MAP4: variants seen among roughly 807,000 people sequenced by gnomAD.
The protein encoded by MAP4 is microtubule-associated protein 4.
MAP4 carries 76 observed loss-of-function variants against 170.2 expected under a neutral mutation model. That is an observed-to-expected ratio of 0.45 (90% CI 0.37 to 0.54). The LOEUF (loss-of-function observed/expected upper bound fraction) is 0.54. Ranked by LOEUF, MAP4 falls within the 20% of genes least tolerant of loss-of-function variation. The pLI is 0.00. For missense variants in MAP4, 2,506 were observed against 2,748.0 expected, an observed-to-expected ratio of 0.91 and a Z score of 1.97; for synonymous variants, 909 against 994.5, an observed-to-expected ratio of 0.91 and a Z score of 1.62.
intron 16 of MAP4, 57 bp from the exon 17 acceptor site, chr3:47,867,395 AC>A: frequency 8.4e-7 from 1 of 1,195,038 alleles, no homozygotes; most frequent in Non-Finnish European, 1.2e-6. Flanking sequence ...GTTAGAACCG[AC>A]ACAGGGAAGG....
At chr3:47,889,131 G>T (rs770417423) in intron 10 of MAP4, among the ~76,000 whole-genome samples, 1 of 152,228 alleles carries the variant, frequency 6.6e-6, no homozygotes, top group Non-Finnish European at 1.5e-5. Context: ...AGGAAATACA[G>T]ATTTTTAAAG....
At chr3:47,917,933 C>G (rs1254422624) in intron 6 of MAP4, among the ~76,000 whole-genome samples, 1 of 152,084 alleles carries the variant, frequency 6.6e-6, no homozygotes, top group Non-Finnish European at 1.5e-5. Context: ...CGGGTTCAAG[C>G]AATTCTCCTG....
rs1324219031 is a variant in MAP4, at chr3:47,952,052, G to A, written c.293-23702C>T. Among the ~76,000 whole-genome samples the A allele has an allele frequency of 3.3e-5, 5 of 151,244 alleles. No homozygotes were observed. The East Asian group carries it at 5.8e-4, about 18-fold the overall frequency. On this transcript the variant is annotated intron_variant, in intron 3 of 20. Transcript: ENST00000683076. ...CTCTGCCCGGCCGCGACCCCGTCTG[G>A]GAGGTGAGGAGCGTCTCTGCCCGGC...
In MAP4 at chr3:47,853,286, A is replaced by G. The variant is rs1324303311; in HGVS notation, c.6763T>C (p.Ser2255Pro). The G allele has an allele frequency of 6.2e-7, 1 of 1,610,530 alleles. No homozygotes were observed. Among genetic ancestry groups the G allele is most frequent in the Non-Finnish European group, 8.5e-7 (1 of 1,178,890 alleles). The change falls in exon 20 of 21, where the codon TCT (serine) becomes CCT (proline). Residue 2255 changes from serine (S) to proline (P), a missense_variant. Ser to Pro is a moderately conservative substitution (Grantham distance 74). This residue lies in a region of MAP4 where 487 missense variants were observed against 511.6 expected (regional missense o/e 0.95). Coordinates refer to ENST00000683076, the MANE Select transcript of MAP4 (RefSeq NM_001385682.1). ...GPPAGEEPAISEAAPEAGAPT... is the reference protein window; with the variant it reads ...GPPAGEEPAIPEAAPEAGAPT... ...GCGCCAGCTTCAGGCGCTGCCTCAG[A>G]GATGGCCGGCTCCTCCCCAGCAGGG... is the stretch of plus-strand genomic sequence containing the variant.
intron 3 of MAP4, among the ~76,000 whole-genome samples, chr3:47,953,349 C>G (rs2100065706): frequency 1.3e-5 from 2 of 151,864 alleles, no homozygotes; most frequent in Non-Finnish European, 2.9e-5. Flanking sequence ...ACACAGAGAC[C>G]CCATCTCCAC....
chr3:47,941,786 CAAA>C (rs35079131), intron 3 of MAP4, among the ~76,000 whole-genome samples: 1 of 61,538 alleles, frequency 1.6e-5, no homozygotes. Flanking sequence ...GACTCCGTCT[CAAA>C]AAAAAAAAAA....
intron 1 of MAP4, among the ~76,000 whole-genome samples, chr3:48,040,158 GAAATA>G (rs2100120883): frequency 6.6e-6 from 1 of 152,180 alleles, no homozygotes; most frequent in Non-Finnish European, 1.5e-5. Context: ...AGCCATTGAT[GAAATA>G]AAGCCTTCAT....
intron 1 of MAP4, among the ~76,000 whole-genome samples, chr3:48,033,380 C>G (rs2100117163): frequency 6.6e-6 from 1 of 152,156 alleles, no homozygotes; most frequent in South Asian, 2.1e-4. Flanking sequence ...TCGCACTATG[C>G]TTCTACAGTT....
intron 1 of MAP4, among the ~76,000 whole-genome samples, chr3:48,039,694 C>G (rs2100120646): frequency 6.6e-6 from 1 of 152,188 alleles, no homozygotes; most frequent in African/African-American, 2.4e-5. Context: ...CCAAATGGTT[C>G]TGATGCAGAT....
intron 10 of MAP4, among the ~76,000 whole-genome samples, chr3:47,897,950 G>GGGGAA (rs1491497294): frequency 1.5e-5 from 2 of 134,540 alleles, no homozygotes; most frequent in African/African-American, 5.8e-5. Flanking sequence ...TCGGGGGGGG[G>GGGGAA]AAAAAAAAAA....
intron 3 of MAP4, among the ~76,000 whole-genome samples, chr3:47,941,614 A>G (rs987600477): frequency 6.7e-6 from 1 of 150,124 alleles, no homozygotes; most frequent in South Asian, 2.1e-4. Flanking sequence ...AGTCTCTACT[A>G]AAAAAACAAA....
At chr3:48,033,090 T>C (rs1037193403) in intron 1 of MAP4, among the ~76,000 whole-genome samples, 5 of 152,238 alleles carry the variant, frequency 3.3e-5, no homozygotes, top group Admixed American at 3.3e-4. Context: ...CCAAGGAGAT[T>C]AACAAATATA....
chr3:47,888,448 G>A lies in MAP4; in HGVS notation c.5435-10925C>T, dbSNP rs557156602. ...AGCCCAGTGAGACCACAAACCCACCGGGAGGAACGAACAACTCCAGACGCG... is the reference window on the plus strand; with the variant it reads ...AGCCCAGTGAGACCACAAACCCACCAGGAGGAACGAACAACTCCAGACGCG... On this transcript the variant is annotated intron_variant, in intron 10 of 20. Transcript: ENST00000683076. Among the ~76,000 whole-genome samples the A allele has an allele frequency of 3.0e-3, 453 of 151,990 alleles. 1 individual carries two copies. The highest frequency in any genetic ancestry group is 3.7e-3 in the Non-Finnish European group (252 of 68,000).
At chr3:48,055,214 C>T (rs1287700774) in intron 1 of MAP4, among the ~76,000 whole-genome samples, 2 of 149,714 alleles carry the variant, frequency 1.3e-5, no homozygotes, top group South Asian at 2.1e-4. Context: ...CCGTCTCCGT[C>T]TCCGTCTCCG....
At chr3:48,059,404 A>G (rs2100133943) in intron 1 of MAP4, among the ~76,000 whole-genome samples, 1 of 150,094 alleles carries the variant, frequency 6.7e-6, no homozygotes, top group Non-Finnish European at 1.5e-5. Flanking sequence ...AGTCCCAGCT[A>G]CCTGGGAGGC....
intron 1 of MAP4, among the ~76,000 whole-genome samples, chr3:48,058,572 T>C (rs2154556259): frequency 6.6e-6 from 1 of 152,302 alleles, no homozygotes; most frequent in South Asian, 2.1e-4. Context: ...ATGAACACAG[T>C]CCTTTTCATC....
Position 47,852,282 on chromosome 3 carries a change from C to T in MAP4, c.*652G>A, listed in dbSNP as rs1383480364. On this transcript the variant is annotated 3_prime_UTR_variant, in exon 21 of 21. Transcript: ENST00000683076. ...AAAGGACAAAACAAGAAAAATGTGA[C>T]AGCAGCTAGGCGGGTATGTTAAGCA... 1 of 157,056 alleles carries T rather than the reference C, an allele frequency of 6.4e-6. No individual in the cohort carries two copies. Among genetic ancestry groups the T allele is most frequent in the Non-Finnish European group, 1.4e-5 (1 of 71,588 alleles). The allele number at this position is 157,056 out of a possible 1,614,324, so 9.7% of individuals were successfully genotyped here.
chr3:48,027,910 G>A (rs2100113956), intron 1 of MAP4, among the ~76,000 whole-genome samples: 1 of 152,214 alleles, frequency 6.6e-6, no homozygotes, highest in South Asian at 2.1e-4. Context: ...CTGGAGCTGA[G>A]AAATAACTGC....
intron 2 of MAP4, among the ~76,000 whole-genome samples, chr3:47,993,804 T>C (rs2100093793): frequency 1.3e-5 from 2 of 152,338 alleles, no homozygotes; most frequent in South Asian, 2.1e-4. Flanking sequence ...TCAAAGCACT[T>C]TGTCTGTTGA....
Sources: gnomAD v4.1 joint callset for allele counts (sites outside exome capture counted in the v4.1 genomes callset) on GRCh38, gnomAD v4.1.1 for gene constraint, gnomAD v4.1.1 regional missense constraint, MANE v1.5 for transcripts, NCBI Gene and HGNC (gene_info 2026-07-23, HGNC 2026-07-21) for gene names.